CTNS: variants seen among roughly 807,000 people sequenced by gnomAD.
The protein encoded by CTNS is cystinosin.
A neutral mutation model predicts 43.7 loss-of-function variants in CTNS; 27 were observed. That is an observed-to-expected ratio of 0.62 (90% confidence interval 0.46 to 0.85). CTNS has a LOEUF of 0.85. CTNS is among the 40% of genes least tolerant of loss of function. The pLI is 0.00. For missense variants in CTNS, 457 were observed against 475.4 expected (o/e 0.96, Z 0.36); for synonymous variants, 187 against 190.6 (o/e 0.98, Z 0.16).
intron 5 of CTNS, 79 bp from the exon 6 acceptor site, chr17:3,654,919 G>A (rs949283287): frequency 9.1e-6 from 9 of 988,674 alleles, no homozygotes; most frequent in South Asian, 3.8e-5. Flanking sequence ...GTTCCCTAGC[G>A]TGTTGCATAG....
rs1032949023 is a variant in CTNS, at chr17:3,660,977, C to T, written c.*608C>T. 5 of 596,502 alleles carry T rather than the reference C, an allele frequency of 8.4e-6. No homozygotes were observed. The highest frequency in any genetic ancestry group is 1.5e-5 in the Non-Finnish European group (5 of 340,234). The allele number at this position is 596,502 out of a possible 1,614,324, so 37.0% of individuals were successfully genotyped here. ...GAGTATTTCTGAGCCATGAGGGGCC[C>T]ACCAGATTGGTTCTGAATTGGATTC... On this transcript the variant is annotated 3_prime_UTR_variant, in exon 12 of 12. Transcript: ENST00000046640.
At chr17:3,643,620 A>T (rs2075774086) in intron 3 of CTNS, among the ~76,000 whole-genome samples, 1 of 151,994 alleles carries the variant, frequency 6.6e-6, no homozygotes, top group South Asian at 2.1e-4. Context: ...GCTGGAGTGC[A>T]ATGTGGCGTG....
In CTNS at chr17:3,642,041, C is replaced by CTGTGTGTGTG. The variant is rs371619089; in HGVS notation, c.61+1780_61+1789dup. On this transcript the variant is annotated intron_variant, in intron 3 of 11. Transcript: ENST00000046640. ...TGCGCGCGCGTGTATTTGCCTGGGC[C>CTGTGTGTGTG]TGTGTGTGTGTGTGTACCCGGGCGT... Among the ~76,000 whole-genome samples the CTGTGTGTGTG allele has an allele frequency of 2.0e-3, 290 of 143,892 alleles. 3 individuals are homozygous for CTGTGTGTGTG. The highest frequency in any genetic ancestry group is 5.9e-3 in the African/African-American group (225 of 37,868). The allele number at this position is 143,892 out of a possible 152,430, so 94.4% of individuals were successfully genotyped here.
At chr17:3,647,580 GGGCTGAC>G in intron 4 of CTNS, 58 bp downstream of exon 4, 2 of 1,467,676 alleles carry the variant, frequency 1.4e-6, no homozygotes, top group Non-Finnish European at 1.9e-6. Context: ...AGCTGGGTCA[GGGCTGAC>G]CCCTGGCTCA....
chr17:3,648,817 CA>C, intron 4 of CTNS, 29 bp from the exon 5 acceptor site: 1 of 1,555,558 alleles, frequency 6.4e-7, no homozygotes, highest in Non-Finnish European at 8.9e-7. Flanking sequence ...TCCAGCTTCT[CA>C]GCAGTAATTA....
At chr17:3,648,281 T>C (rs763724766) in intron 4 of CTNS, among the ~76,000 whole-genome samples, 3 of 152,190 alleles carry the variant, frequency 2.0e-5, no homozygotes, top group Non-Finnish European at 2.9e-5. Context: ...CCTGCAAATC[T>C]TACAAGTCAT....
intron 2 of CTNS, among the ~76,000 whole-genome samples, chr17:3,638,198 C>T (rs2075585787): frequency 6.6e-6 from 1 of 152,036 alleles, no homozygotes; most frequent in Non-Finnish European, 1.5e-5. Context: ...CTTTCACAAG[C>T]CACTAGTTGT....
At chr17:3,643,629 T>A (rs1190729593) in intron 3 of CTNS, among the ~76,000 whole-genome samples, 1 of 152,042 alleles carries the variant, frequency 6.6e-6, no homozygotes, top group Non-Finnish European at 1.5e-5. Flanking sequence ...CAATGTGGCG[T>A]GATCTCAGTT....
chr17:3,649,208 G>A (rs2075915366), intron 5 of CTNS, among the ~76,000 whole-genome samples: 2 of 152,160 alleles, frequency 1.3e-5, no homozygotes, highest in African/African-American at 2.4e-5. Flanking sequence ...CAGCACTCTG[G>A]GAGGCCAAGG....
In CTNS at chr17:3,661,794, T is replaced by C. The variant is rs1386659300; in HGVS notation, c.*1425T>C. Among the ~76,000 whole-genome samples the C allele has an allele frequency of 6.6e-6, 1 of 151,970 alleles. No homozygotes were observed. Among genetic ancestry groups the C allele is most frequent in the Non-Finnish European group, 1.5e-5 (1 of 67,984 alleles). ...CACTCAATCTGGATGTGAGCCGGGG[T>C]GGATGAGGTTCTGAAGGGCACACCA... is the stretch of plus-strand genomic sequence containing the variant. On this transcript the variant is annotated 3_prime_UTR_variant, in exon 12 of 12. Transcript: ENST00000046640.
chr17:3,655,436 C>T, intron 7 of CTNS, 84 bp downstream of exon 7: 1 of 1,566,770 alleles, frequency 6.4e-7, no homozygotes. Context: ...AGCGCAGCCT[C>T]CAACGTCCCC....
At chr17:3,639,442 C>T (rs1029095541) in intron 2 of CTNS, among the ~76,000 whole-genome samples, 17 of 151,902 alleles carry the variant, frequency 1.1e-4, no homozygotes, top group Non-Finnish European at 1.0e-4. Context: ...CTGAGGCGGG[C>T]GGATCACTCG....
chr17:3,648,721 G>T (rs1488248852), intron 4 of CTNS, 126 bp from the exon 5 acceptor site: 1 of 811,796 alleles, frequency 1.2e-6, no homozygotes, highest in Non-Finnish European at 2.2e-6. Flanking sequence ...ACCCATCAGG[G>T]TGGAGCACCT....
At chr17:3,642,868 A>T (rs528791017) in intron 3 of CTNS, among the ~76,000 whole-genome samples, 1 of 152,124 alleles carries the variant, frequency 6.6e-6, no homozygotes, top group South Asian at 2.1e-4. Flanking sequence ...CTCTGGGTGG[A>T]ATCTTGAGGC....
intron 5 of CTNS, among the ~76,000 whole-genome samples, chr17:3,654,276 C>T (rs2076065261): frequency 6.6e-6 from 1 of 152,178 alleles, no homozygotes; most frequent in African/African-American, 2.4e-5. Context: ...GCTTGAATAA[C>T]TTGCCCAAGG....
At chr17:3,655,543 T>G in intron 7 of CTNS, 191 bp downstream of exon 7, 8 of 675,620 alleles carry the variant, frequency 1.2e-5, no homozygotes, top group East Asian at 3.6e-5. Context: ...TTTCATCCCT[T>G]GCCCAGCTCA....
chr17:3,655,149 C>G (rs139453840), intron 6 of CTNS, 48 bp downstream of exon 6: 1 of 1,613,996 alleles, frequency 6.2e-7, no homozygotes, highest in East Asian at 2.2e-5. Context: ...AGAAGGGGGC[C>G]GTGCTGGGCA....
In CTNS at chr17:3,655,023, A is replaced by G. The variant is rs1341187969; in HGVS notation, c.251A>G (p.Asn84Ser). Residue 84 changes from asparagine to serine, a missense_variant, in exon 6 of 12, where the codon AAC becomes AGC. By Grantham distance (46) the Asn-to-Ser change is conservative. Transcript: ENST00000046640. ...GTTGTGGTGCCTCCTGGAGTGACAA[A>G]CTCCTCTTTTCAAGTGACATCTCAA... The part of the protein sequence containing the change: ...DEVVVPPGVT[N>S]SSFQVTSQNV... The G allele has an allele frequency of 1.2e-6, 2 of 1,613,676 alleles. No individual in the cohort carries two copies. The highest frequency in any genetic ancestry group is 3.3e-5 in the Admixed American group (2 of 59,974).
In CTNS at chr17:3,656,784, T is replaced by C; in HGVS notation, c.670T>C (p.Cys224Arg). 6.2e-7 allele frequency: 1 copy of C among 1,613,218 alleles called. No homozygotes were observed. ...CACGCTGATCATCATCGTGCAGTGC[T>C]GCCTGTATGAGGTGAGACCAGCCCT... ...VLTLIIIVQC[C>R]LYERGGQRVS... The change falls in exon 9 of 12, where the codon TGC (cysteine) becomes CGC (arginine). Residue 224 changes from cysteine to arginine, a missense_variant. Physicochemically the swap from Cys to Arg is radical, Grantham distance 180. Transcript: ENST00000046640.
Sources: allele counts gnomAD v4.1 joint callset (sites outside exome capture counted in the v4.1 genomes callset), GRCh38; gene constraint gnomAD v4.1.1; transcripts MANE v1.5; gene names NCBI Gene and HGNC (gene_info 2026-07-23, HGNC 2026-07-21).